IL23R: variants seen among roughly 807,000 people sequenced by gnomAD.
The protein encoded by IL23R is interleukin-23 receptor.
Under a neutral mutation model 56.9 loss-of-function variants are expected in IL23R, and 34 were observed. The observed-to-expected ratio is 0.60, with a 90% confidence interval of 0.45 to 0.80. IL23R has a LOEUF of 0.80. IL23R is among the 30% of genes least tolerant of loss of function. IL23R has a pLI of 0.00. For synonymous variants in IL23R, 230 were observed against 249.2 expected (o/e 0.92, Z 0.73); for missense variants, 635 against 730.0 (o/e 0.87, Z 1.50).
Position 67,258,539 on chromosome 1 carries a change from T to C in IL23R, c.1301T>C (p.Ile434Thr), listed in dbSNP as rs1246947739. 9 of 1,607,916 alleles carry C rather than the reference T, an allele frequency of 5.6e-6. No homozygotes were observed. The highest frequency in any genetic ancestry group is 7.6e-6 in the Non-Finnish European group (9 of 1,176,902). ...SEQVLYVDPM[I>T]TEIKEIFIPE... is the part of the protein sequence containing the mutation. ...CAGGTCCTATATGTTGATCCCATGA[T>C]TACAGAGATAAAAGAAATCTTCATC... Residue 434 changes from isoleucine to threonine, a missense_variant, in exon 11 of 11, where the codon ATT (isoleucine) becomes ACT (threonine). Ile to Thr is a moderately conservative substitution (Grantham distance 89). Transcript: ENST00000347310.
intron 6 of IL23R, among the ~76,000 whole-genome samples, chr1:67,207,429 A>G (rs4655691): frequency 0.79 from 119,642 of 151,912 alleles, 47,559 homozygotes; most frequent in East Asian, 0.97. Context: ...ACCTGATATG[A>G]TTTGGCTGCA....
chr1:67,164,658 A>C (rs10889663), upstream of IL23R, among the ~76,000 whole-genome samples: 1 of 58,482 alleles, frequency 1.7e-5, no homozygotes, highest in Non-Finnish European at 3.4e-5. Context: ...AAATAAAATA[A>C]AATAAAATAA....
intron 3 of IL23R, among the ~76,000 whole-genome samples, chr1:67,182,404 T>C (rs531049926): frequency 6.6e-6 from 1 of 152,248 alleles, no homozygotes; most frequent in Admixed American, 6.5e-5. Flanking sequence ...TAGCAATGAG[T>C]GAGGCTTGAT....
chr1:67,223,186 G>A (rs1429717317), intron 7 of IL23R, among the ~76,000 whole-genome samples: 5 of 152,064 alleles, frequency 3.3e-5, no homozygotes, highest in African/African-American at 9.7e-5. Flanking sequence ...CTTGAGAGGC[G>A]GAGGTTGCAG....
At chr1:67,190,565 T>C (rs986266861) in intron 4 of IL23R, among the ~76,000 whole-genome samples, 1 of 152,218 alleles carries the variant, frequency 6.6e-6, no homozygotes, top group African/African-American at 2.4e-5. Flanking sequence ...TCTGGCTCAG[T>C]GTATTCTACT....
downstream of IL23R, among the ~76,000 whole-genome samples, chr1:67,260,306 A>G (rs1345603566): frequency 6.6e-6 from 1 of 152,186 alleles, no homozygotes; most frequent in African/African-American, 2.4e-5. Flanking sequence ...TTTATACTAT[A>G]ATAGAACCTA....
intron 1 of IL23R, among the ~76,000 whole-genome samples, chr1:67,141,154 G>C (rs1048426402): frequency 1.3e-5 from 2 of 152,268 alleles, no homozygotes; most frequent in African/African-American, 4.8e-5. Context: ...TACACAGAAT[G>C]ATTCTTTTAA....
chr1:67,221,182 A>G (rs1177279007), intron 7 of IL23R, among the ~76,000 whole-genome samples: 4 of 152,222 alleles, frequency 2.6e-5, no homozygotes, highest in Middle Eastern at 3.4e-3. Flanking sequence ...TTAGCTGGGC[A>G]TGGCGGTACA....
chr1:67,168,040 A>G, intron 1 of IL23R, 52 bp from the exon 2 acceptor site: 1 of 1,008,588 alleles, frequency 9.9e-7, no homozygotes, highest in Non-Finnish European at 1.6e-6. Context: ...TATGCTTTTT[A>G]TTATTTTACT....
intron 7 of IL23R, among the ~76,000 whole-genome samples, chr1:67,220,729 G>A (rs981076262): frequency 2.0e-5 from 3 of 152,112 alleles, no homozygotes; most frequent in Non-Finnish European, 2.9e-5. Flanking sequence ...AAATTACCCA[G>A]GCATGGTGGC....
At chr1:67,194,704 C>A (rs958130523) in intron 4 of IL23R, among the ~76,000 whole-genome samples, 6 of 152,068 alleles carry the variant, frequency 3.9e-5, no homozygotes, top group Admixed American at 2.6e-4. Flanking sequence ...AGCCACAAAC[C>A]AATGAAGAAC....
chr1:67,154,955 T>A (rs1442894329), intron 1 of IL23R, among the ~76,000 whole-genome samples: 1 of 152,206 alleles, frequency 6.6e-6, no homozygotes, highest in African/African-American at 2.4e-5. Flanking sequence ...ATTCAGTGCT[T>A]CCTTCAGGAG....
intron 7 of IL23R, among the ~76,000 whole-genome samples, chr1:67,234,858 C>G (rs1358925229): frequency 6.6e-6 from 1 of 151,926 alleles, no homozygotes; most frequent in East Asian, 1.9e-4. Flanking sequence ...TAGGCACCTG[C>G]CACCATGCCT....
At chr1:67,145,668 C>T (rs1032631829) in intron 1 of IL23R, among the ~76,000 whole-genome samples, 1 of 152,146 alleles carries the variant, frequency 6.6e-6, no homozygotes, top group Non-Finnish European at 1.5e-5. Flanking sequence ...GAATATATAA[C>T]TGAGTGAATA....
rs1382891825 is a variant in IL23R, at chr1:67,208,448, C to A, written c.798+1393C>A. On this transcript the variant is annotated intron_variant, in intron 6 of 10. Transcript: ENST00000347310. Reference sequence around the variant, plus strand: ...AAAAAAGTGGTTTCATGGGCTGGGACCAGGGTCACTGTGCTGTGTGCAGCT... The same window carrying A: ...AAAAAAGTGGTTTCATGGGCTGGGAACAGGGTCACTGTGCTGTGTGCAGCT... Among the ~76,000 whole-genome samples the A allele has an allele frequency of 2.0e-5, 3 of 152,180 alleles. No homozygotes were observed. In the East Asian group the frequency reaches 5.8e-4, roughly 29 times the overall value.
rs748673781 is a variant in IL23R, at chr1:67,169,446, T to C, written c.175T>C (p.Cys59Arg). The part of the protein sequence containing the change: ...SIYCQAAIKN[C>R]QPRKLHFYKN... The stretch of plus-strand genomic sequence containing the variant: ...ATATTGCCAAGCAGCAATTAAGAAC[T>C]GCCAACCAAGGAAACTTCATTTTTA... Residue 59 changes from cysteine to arginine, a missense_variant, in exon 3 of 11, where the codon TGC becomes CGC. Cys to Arg is a radical substitution (Grantham distance 180). Coordinates refer to ENST00000347310, the MANE Select transcript of IL23R (RefSeq NM_144701.3). 8.1e-6 allele frequency: 13 copies of C among 1,613,872 alleles called. No homozygotes were observed. Among genetic ancestry groups the C allele is most frequent in the Non-Finnish European group, 1.1e-5 (13 of 1,179,770 alleles).
the IL23R span, among the ~76,000 whole-genome samples, chr1:67,265,269 C>T: frequency 6.6e-6 from 1 of 152,170 alleles, no homozygotes; most frequent in Non-Finnish European, 1.5e-5. Context: ...TTCATGAAAA[C>T]ACACTTTTTA....
chr1:67,258,637 T>C lies in IL23R; in HGVS notation c.1399T>C (p.Ser467Pro). 1 of 1,613,840 alleles carries C rather than the reference T, an allele frequency of 6.2e-7. No individual in the cohort carries two copies. The highest frequency in any genetic ancestry group is 8.5e-7 in the Non-Finnish European group (1 of 1,179,940). ...PLETRDYPQNSLFDNTTVVYI... is the reference protein window; with the variant it reads ...PLETRDYPQNPLFDNTTVVYI... The stretch of plus-strand genomic sequence containing the variant: ...GGAGACAAGAGACTACCCGCAAAAC[T>C]CGCTATTCGACAATACTACAGTTGT... Residue 467 changes from serine to proline, a missense_variant, in exon 11 of 11, where the codon TCG becomes CCG. By Grantham distance (74) the Ser-to-Pro change is moderately conservative. Transcript: ENST00000347310.
At chr1:67,186,354 T>C (rs1449347504) in intron 4 of IL23R, among the ~76,000 whole-genome samples, 3 of 152,200 alleles carry the variant, frequency 2.0e-5, no homozygotes, top group Non-Finnish European at 2.9e-5. Flanking sequence ...CTTTATTAAG[T>C]ATAATTCATC....
Sources: allele counts gnomAD v4.1 joint callset (sites outside exome capture counted in the v4.1 genomes callset), GRCh38; gene constraint gnomAD v4.1.1; transcripts MANE v1.5; gene names NCBI Gene and HGNC (gene_info 2026-07-23, HGNC 2026-07-21).